The following SGCZ variants were observed in gnomAD, a reference collection of about 807,000 sequenced individuals.
SGCZ encodes sarcoglycan zeta, also known as zeta-sarcoglycan.
In SGCZ, 40 loss-of-function variants were observed where a neutral mutation model predicts 41.3. The observed-to-expected ratio is 0.97, with a 90% CI of 0.75 to 1.26. SGCZ has a LOEUF of 1.26. Among genes scored for constraint, SGCZ ranks in the 50% most tolerant of loss-of-function variants. The pLI, the probability that SGCZ is intolerant of heterozygous loss-of-function variation, is 0.00. For missense variants in SGCZ, 552 were observed against 369.8 expected (o/e 1.49, Z -4.04); for synonymous variants, 206 against 137.5 (o/e 1.50, Z -3.49).
chr8:15,171,221 T>C (rs1799818464), intron 1 of SGCZ, among the ~76,000 whole-genome samples: 2 of 152,202 alleles, frequency 1.3e-5, no homozygotes, highest in African/African-American at 4.8e-5. Context: ...TTTTCCTGAA[T>C]TATAATCATC....
intron 2 of SGCZ, among the ~76,000 whole-genome samples, chr8:14,484,199 G>T (rs559685228): frequency 6.6e-6 from 1 of 152,152 alleles, no homozygotes; most frequent in East Asian, 1.9e-4. Flanking sequence ...ACTCAATGAC[G>T]TTTGGATGTG....
chr8:14,491,677 C>T (rs566193543), intron 2 of SGCZ, among the ~76,000 whole-genome samples: 105 of 152,152 alleles, frequency 6.9e-4, no homozygotes, highest in African/African-American at 2.2e-3. Context: ...AAACATCTTA[C>T]GGAAAAGAAG....
At chr8:14,839,988 T>A (rs1802843620) in intron 1 of SGCZ, among the ~76,000 whole-genome samples, 1 of 152,148 alleles carries the variant, frequency 6.6e-6, no homozygotes, top group Non-Finnish European at 1.5e-5. Flanking sequence ...TTTACTTTTA[T>A]ATTTTGTGCC....
chr8:14,684,027 T>A (rs919362818), intron 1 of SGCZ, among the ~76,000 whole-genome samples: 1 of 152,190 alleles, frequency 6.6e-6, no homozygotes, highest in African/African-American at 2.4e-5. Flanking sequence ...CAGTGATATA[T>A]AAAAGTGGTT....
intron 3 of SGCZ, among the ~76,000 whole-genome samples, chr8:14,272,972 G>A (rs1800110697): frequency 6.6e-6 from 1 of 151,944 alleles, no homozygotes. Flanking sequence ...GAGTGTGAAT[G>A]TCGAATTAGA....
intron 1 of SGCZ, among the ~76,000 whole-genome samples, chr8:14,829,527 C>G (rs1257537685): frequency 1.3e-5 from 2 of 152,074 alleles, no homozygotes; most frequent in African/African-American, 4.8e-5. Flanking sequence ...TAGTTATATT[C>G]AAGTAGAAAA....
rs145133036 is a variant in SGCZ at position 14,769,079 on chromosome 8, A to G, written c.40-214153T>C. Among the ~76,000 whole-genome samples, 103 of 152,200 alleles carry G rather than the reference A, an allele frequency of 6.8e-4. 1 individual carries two copies. In the East Asian group the frequency reaches 0.018, roughly 26 times the overall value. ...TCATCTGGTAGGTAGAAAAAAGGCA[A>G]TAAGAAAATAATGAAAATAAATCCG... On this transcript the variant is annotated intron_variant, in intron 1 of 7. Transcript: ENST00000382080.
chr8:14,376,351 C>A (rs1804128249), intron 2 of SGCZ, among the ~76,000 whole-genome samples: 2 of 151,934 alleles, frequency 1.3e-5, no homozygotes, highest in Non-Finnish European at 2.9e-5. Flanking sequence ...AAAAAAAATA[C>A]AATGGAAAAA....
intron 3 of SGCZ, among the ~76,000 whole-genome samples, chr8:14,240,890 A>G (rs1424305100): frequency 1.3e-5 from 2 of 152,206 alleles, no homozygotes; most frequent in South Asian, 2.1e-4. Flanking sequence ...TATGTGATAA[A>G]AATACGTATA....
At chr8:15,154,868 A>C (rs1352970297) in intron 1 of SGCZ, among the ~76,000 whole-genome samples, 1 of 152,212 alleles carries the variant, frequency 6.6e-6, no homozygotes, top group Non-Finnish European at 1.5e-5. Flanking sequence ...ACAGATACAA[A>C]ATTACAGCTA....
intron 3 of SGCZ, among the ~76,000 whole-genome samples, chr8:14,271,842 G>T (rs976741440): frequency 6.6e-6 from 1 of 152,134 alleles, no homozygotes; most frequent in Non-Finnish European, 1.5e-5. Context: ...GCTGTTAAAA[G>T]CCTCGATCTC....
intron 2 of SGCZ, among the ~76,000 whole-genome samples, chr8:14,349,634 T>C (rs557145841): frequency 3.9e-5 from 6 of 152,284 alleles, no homozygotes; most frequent in African/African-American, 1.4e-4. Flanking sequence ...ACCCCTGCTC[T>C]TCTGTTTATC....
intron 1 of SGCZ, among the ~76,000 whole-genome samples, chr8:15,225,690 G>T (rs1037248760): frequency 1.3e-5 from 2 of 152,144 alleles, no homozygotes; most frequent in African/African-American, 4.8e-5. Flanking sequence ...TATTCATAAA[G>T]GGAAATCTGA....
In SGCZ at chr8:15,134,314, T is replaced by TTG. The variant is rs1554463550; in HGVS notation, c.39+103270_39+103271insCA. The stretch of plus-strand genomic sequence containing the variant: ...ATAGGAGCATTAGGTCTTTTTTTTT[T>TTG]TTGTTTCTTTACTTCCAATAATTTG... On this transcript the variant is annotated intron_variant, in intron 1 of 7. Coordinates refer to ENST00000382080, the MANE Select transcript of SGCZ (RefSeq NM_139167.4). 4.0e-3 allele frequency among the ~76,000 whole-genome samples: 567 copies of TTG among 142,666 alleles called. 13 individuals are homozygous for TTG. The East Asian group carries it at 0.07, about 18-fold the overall frequency. 93.6% of individuals were successfully genotyped at this position (142,666 alleles called of 152,430 possible).
intron 2 of SGCZ, among the ~76,000 whole-genome samples, chr8:14,410,378 C>T (rs1799326512): frequency 6.9e-6 from 1 of 145,080 alleles, no homozygotes; most frequent in African/African-American, 2.7e-5. Context: ...GTAAAAGTAA[C>T]TTACTTTGTT....
chr8:14,875,593 C>A (rs536374012), intron 1 of SGCZ, among the ~76,000 whole-genome samples: 2 of 152,196 alleles, frequency 1.3e-5, no homozygotes, highest in African/African-American at 4.8e-5. Context: ...CTAAGAAAAG[C>A]ACTGTACCAC....
At chr8:14,602,295 G>C (rs1805619146) in intron 1 of SGCZ, among the ~76,000 whole-genome samples, 1 of 152,012 alleles carries the variant, frequency 6.6e-6, no homozygotes, top group Non-Finnish European at 1.5e-5. Context: ...AATTTGAGTT[G>C]TATTTATGAC....
intron 1 of SGCZ, among the ~76,000 whole-genome samples, chr8:14,873,014 G>C (rs922411697): frequency 1.3e-5 from 2 of 152,138 alleles, no homozygotes; most frequent in Non-Finnish European, 2.9e-5. Context: ...CATGATGTGT[G>C]GTTCCAGAGA....
chr8:14,427,673 G>A (rs1799825843), intron 2 of SGCZ, among the ~76,000 whole-genome samples: 1 of 152,088 alleles, frequency 6.6e-6, no homozygotes, highest in South Asian at 2.1e-4. Context: ...CCAGCAGCTA[G>A]CCAGAAAGCT....
Sources: allele counts gnomAD v4.1 joint callset (sites outside exome capture counted in the v4.1 genomes callset), GRCh38; gene constraint gnomAD v4.1.1; transcripts MANE v1.5; gene names NCBI Gene and HGNC (gene_info 2026-07-23, HGNC 2026-07-21).